DPEP1: variants seen among roughly 807,000 people sequenced by gnomAD.
DPEP1 encodes beta-lactamase.
DPEP1 carries 50 observed loss-of-function variants against 42.3 expected under a neutral mutation model. That is an observed-to-expected ratio of 1.18 (90% CI 0.94 to 1.50). The LOEUF (loss-of-function observed/expected upper bound fraction) is 1.50, where lower values mean the gene tolerates loss of function less well. DPEP1 is among the 40% of genes most tolerant of loss of function. The probability of loss-of-function intolerance (pLI) is 0.00; values close to 1 mark genes in which losing one functional copy is unlikely to be tolerated. For missense variants in DPEP1, 663 were observed against 553.0 expected (o/e 1.20, Z -1.99); for synonymous variants, 297 against 234.0 (o/e 1.27, Z -2.46).
intron 1 of DPEP1, among the ~76,000 whole-genome samples, chr16:89,619,907 C>A: frequency 8.5e-6 from 1 of 117,404 alleles, no homozygotes; most frequent in Non-Finnish European, 1.8e-5. Context: ...TTGAAAATGT[C>A]AGACTCCAAG....
At chr16:89,640,945 G>C (rs2059738552), downstream of DPEP1, among the ~76,000 whole-genome samples, 1 of 152,202 alleles carries the variant, frequency 6.6e-6, no homozygotes, top group Non-Finnish European at 1.5e-5. Flanking sequence ...GGTCAGGAGT[G>C]TGAGCCATCT....
intron 1 of DPEP1, among the ~76,000 whole-genome samples, chr16:89,617,858 T>C (rs2059397609): frequency 1.3e-5 from 2 of 152,026 alleles, no homozygotes; most frequent in African/African-American, 4.8e-5. Flanking sequence ...ACCCCATCTC[T>C]ACTAAAAATA....
chr16:89,640,769 T>C (rs2059737275), downstream of DPEP1, among the ~76,000 whole-genome samples: 1 of 152,106 alleles, frequency 6.6e-6, no homozygotes, highest in African/African-American at 2.4e-5. Flanking sequence ...TGTAGGTTTT[T>C]CTCCTCGTGT....
At chr16:89,628,413 A>G (rs1023844398) in intron 1 of DPEP1, among the ~76,000 whole-genome samples, 10 of 148,368 alleles carry the variant, frequency 6.7e-5, no homozygotes, top group Non-Finnish European at 1.5e-4. Context: ...ATGCACCACC[A>G]TGCCTGGCTA....
chr16:89,632,470 G>T (rs2059601768), intron 2 of DPEP1, among the ~76,000 whole-genome samples: 1 of 152,206 alleles, frequency 6.6e-6, no homozygotes, highest in East Asian at 1.9e-4. Context: ...CTAAAAACGG[G>T]GGGTTTTAAA....
chr16:89,624,502 TGAGAGG>T, intron 1 of DPEP1, among the ~76,000 whole-genome samples: 1 of 150,542 alleles, frequency 6.6e-6, no homozygotes, highest in East Asian at 2.0e-4. Context: ...GGGAGTGGGG[TGAGAGG>T]GGCGCTGTTA....
At position 89,636,404 on chromosome 16, in the gene DPEP1, C is replaced by T; in HGVS notation, c.370+8C>T. 2.5e-6 allele frequency: 4 copies of T among 1,609,582 alleles called. No individual in the cohort carries two copies. The highest frequency in any genetic ancestry group is 3.4e-6 in the Non-Finnish European group (4 of 1,178,122). ...ATGTCACCAGCAGTGCAGGTGGGGT[C>T]CTGACCTGGGTCCTCCAGGTCCTGC... On this transcript the variant is annotated splice_region_variant and intron_variant, in intron 4 of 10. Transcript: ENST00000690203.
chr16:89,623,570 C>T (rs2059471331), intron 1 of DPEP1, among the ~76,000 whole-genome samples: 1 of 152,064 alleles, frequency 6.6e-6, no homozygotes, highest in African/African-American at 2.4e-5. Flanking sequence ...GTAGCTGAGT[C>T]CAAGCAGATC....
intron 3 of DPEP1, 47 bp downstream of exon 3, chr16:89,636,087 T>C: frequency 6.4e-7 from 1 of 1,574,100 alleles, no homozygotes; most frequent in East Asian, 2.3e-5. Context: ...GGTCATCCCG[T>C]CTCCTACCTC....
intron 1 of DPEP1, among the ~76,000 whole-genome samples, chr16:89,625,067 T>G (rs2059490820): frequency 6.6e-6 from 1 of 152,062 alleles, no homozygotes; most frequent in Admixed American, 6.6e-5. Flanking sequence ...AGGGTGTAGT[T>G]TTTGGAAGTT....
At chr16:89,623,842 A>G (rs1597749097) in intron 1 of DPEP1, among the ~76,000 whole-genome samples, 3 of 152,128 alleles carry the variant, frequency 2.0e-5, no homozygotes. Flanking sequence ...GGCGACTGGA[A>G]ATTCCCTGGA....
Position 89,636,638 on chromosome 16 carries a change from T to G in DPEP1, c.476T>G (p.Leu159Arg). 6.2e-7 allele frequency: 1 copy of G among 1,612,588 alleles called. No homozygotes were observed. Among genetic ancestry groups the G allele is most frequent in the Middle Eastern group, 1.6e-4 (1 of 6,062 alleles). ...GGCGTCCTGCGGGCACTCTATCAGCTGGGCATGCGGTACCTGACCCTCACC... is the reference window on the plus strand; with the variant it reads ...GGCGTCCTGCGGGCACTCTATCAGCGGGGCATGCGGTACCTGACCCTCACC... Reference protein sequence around the residue: ...SLGVLRALYQLGMRYLTLTHS... With the variant: ...SLGVLRALYQRGMRYLTLTHS... Residue 159 changes from leucine to arginine, a missense_variant, in exon 5 of 11, where the codon CTG (leucine) becomes CGG (arginine). Physicochemically the swap from Leu to Arg is moderately radical, Grantham distance 102 (BLOSUM62 -2). Coordinates refer to ENST00000690203, the MANE Select transcript of DPEP1 (RefSeq NM_001389466.1).
At chr16:89,637,147 A>G in intron 6 of DPEP1, 57 bp from the exon 7 acceptor site, 1 of 1,576,422 alleles carries the variant, frequency 6.3e-7, no homozygotes, top group Non-Finnish European at 8.6e-7. Context: ...CAGCCCGTCC[A>G]CCTCCGCAGC....
At chr16:89,625,651 A>G (rs548277022) in intron 1 of DPEP1, among the ~76,000 whole-genome samples, 2 of 152,300 alleles carry the variant, frequency 1.3e-5, no homozygotes, top group African/African-American at 4.8e-5. Context: ...ATGGAAGATA[A>G]GGGCACCCAG....
In DPEP1 at chr16:89,636,630, C is replaced by CT. The variant is rs1336825432; in HGVS notation, c.469dup (p.Tyr157LeufsTer20). The CT allele has an allele frequency of 6.2e-7, 1 of 1,612,634 alleles. No homozygotes were observed. The highest frequency in any genetic ancestry group is 8.5e-7 in the Non-Finnish European group (1 of 1,179,948). On this transcript the variant is annotated frameshift_variant, in exon 5 of 11. Transcript: ENST00000690203. LOFTEE classifies it high-confidence loss of function. ...GCAGTTTGGGCGTCCTGCGGGCACT[C>CT]TATCAGCTGGGCATGCGGTACCTGA...
At chr16:89,623,135 C>T (rs2059466428) in intron 1 of DPEP1, among the ~76,000 whole-genome samples, 2 of 151,948 alleles carry the variant, frequency 1.3e-5, no homozygotes, top group African/African-American at 2.4e-5. Flanking sequence ...TTTTGAGAAT[C>T]GAGGTAGCTA....
intron 1 of DPEP1, among the ~76,000 whole-genome samples, chr16:89,615,334 T>G (rs466625): frequency 0.99 from 150,390 of 152,336 alleles, 74,261 homozygotes; most frequent in East Asian, 1. Context: ...TCCCACTGGG[T>G]ACAGAGCGGG....
chr16:89,616,827 CCAGGAAGCGGA>C (rs1326487517), intron 1 of DPEP1: 1 of 255,706 alleles, frequency 3.9e-6, no homozygotes, highest in South Asian at 3.1e-5. Flanking sequence ...CAGGAAGTGG[CCAGGAAGCGGA>C]CAGGAAGTGG....
rs1410384180 is a variant in DPEP1, at chr16:89,636,696, C to G, written c.521+13C>G. 3.1e-6 allele frequency: 5 copies of G among 1,611,610 alleles called. No homozygotes were observed. The highest frequency in any genetic ancestry group is 1.7e-5 in the Admixed American group (1 of 59,972). On this transcript the variant is annotated intron_variant, in intron 5 of 10. Transcript: ENST00000690203. Reference sequence around the variant, plus strand: ...GCAACACGCCCTGGTGCGTGACTCCCCATGGGAGGCCCCCGGGCTGTGGTC... The same window carrying G: ...GCAACACGCCCTGGTGCGTGACTCCGCATGGGAGGCCCCCGGGCTGTGGTC...
Sources: gnomAD v4.1 joint callset for allele counts (sites outside exome capture counted in the v4.1 genomes callset) on GRCh38, gnomAD v4.1.1 for gene constraint, MANE v1.5 for transcripts, NCBI Gene and HGNC (gene_info 2026-07-23, HGNC 2026-07-21) for gene names.